The following ANKRD12 variants were observed in gnomAD, a reference collection of about 807,000 sequenced individuals.
The protein encoded by ANKRD12 is ankyrin repeat domain-containing protein 12.
ANKRD12 carries 85 observed loss-of-function variants against 183.4 expected under a neutral mutation model. The observed-to-expected ratio is 0.46, with a 90% CI of 0.39 to 0.56. The LOEUF (loss-of-function observed/expected upper bound fraction) is 0.56, where lower values mean the gene tolerates loss of function less well. Ranked by LOEUF, ANKRD12 falls within the 20% of genes least tolerant of loss-of-function variation. The pLI is 0.00. For synonymous variants in ANKRD12, 914 were observed against 800.2 expected (o/e 1.14, Z -2.40); for missense variants, 2,405 against 2,357.1 (o/e 1.02, Z -0.42).
chr18:9,280,071 T>C (rs1229391891), intron 12 of ANKRD12, among the ~76,000 whole-genome samples: 1 of 152,334 alleles, frequency 6.6e-6, no homozygotes, highest in East Asian at 1.9e-4. Context: ...GAAATAATAT[T>C]TTCAAATTAA....
intron 1 of ANKRD12, among the ~76,000 whole-genome samples, chr18:9,167,664 C>G (rs1279168562): frequency 1.3e-5 from 2 of 152,166 alleles, no homozygotes; most frequent in African/African-American, 4.8e-5. Context: ...CATCTGCAAA[C>G]AGGGACAATT....
Position 9,281,225 on chromosome 18 carries a change from T to C in ANKRD12, c.*99T>C. 2 of 995,046 alleles carry C rather than the reference T, an allele frequency of 2.0e-6. No homozygotes were observed. Among genetic ancestry groups the C allele is most frequent in the Middle Eastern group, 2.4e-4 (1 of 4,084 alleles). 61.6% of individuals were successfully genotyped at this position (995,046 alleles called of 1,614,324 possible). On this transcript the variant is annotated 3_prime_UTR_variant, in exon 13 of 13. Transcript: ENST00000262126. Reference sequence around the variant, plus strand: ...GACAAAAATACTCATGCCTTTACAATTGTTAGTAAAGTTCGATTATAGTTG... The same window carrying C: ...GACAAAAATACTCATGCCTTTACAACTGTTAGTAAAGTTCGATTATAGTTG...
intron 1 of ANKRD12, among the ~76,000 whole-genome samples, chr18:9,181,793 A>G (rs1358546115): frequency 6.6e-6 from 1 of 152,220 alleles, no homozygotes; most frequent in African/African-American, 2.4e-5. Context: ...TTATGCTTGT[A>G]GAATAGGAAA....
At chr18:9,153,198 T>A (rs1382631282) in intron 1 of ANKRD12, among the ~76,000 whole-genome samples, 1 of 152,250 alleles carries the variant, frequency 6.6e-6, no homozygotes, top group Non-Finnish European at 1.5e-5. Context: ...GGTATTTACA[T>A]GTCCTTCTAA....
At chr18:9,236,876 A>G (rs907697575) in intron 8 of ANKRD12, among the ~76,000 whole-genome samples, 1 of 152,180 alleles carries the variant, frequency 6.6e-6, no homozygotes, top group African/African-American at 2.4e-5. Flanking sequence ...TTATGGGCAA[A>G]GAAATACTGT....
intron 2 of ANKRD12, among the ~76,000 whole-genome samples, chr18:9,185,727 T>G (rs2034004153): frequency 1.3e-5 from 2 of 149,522 alleles, no homozygotes; most frequent in African/African-American, 2.5e-5. Context: ...TTAGGAGGAG[T>G]AAAGAGACAA....
chr18:9,268,174 G>A (rs8086479), intron 10 of ANKRD12, among the ~76,000 whole-genome samples: 33,533 of 151,372 alleles, frequency 0.22, 4,295 homozygotes, highest in African/African-American at 0.35. Flanking sequence ...TTCACAGCCA[G>A]ATTCTACCAG....
chr18:9,144,404 A>G (rs1304225762), intron 1 of ANKRD12, among the ~76,000 whole-genome samples: 1 of 152,166 alleles, frequency 6.6e-6, no homozygotes, highest in Non-Finnish European at 1.5e-5. Flanking sequence ...AAGTACTACT[A>G]CCTTATTGGG....
intron 9 of ANKRD12, among the ~76,000 whole-genome samples, chr18:9,259,191 A>G (rs1018448523): frequency 6.6e-6 from 1 of 152,228 alleles, no homozygotes; most frequent in Middle Eastern, 3.2e-3. Flanking sequence ...TAAAGAACAA[A>G]TTTAAATTAG....
At chr18:9,157,550 G>GGTGTGTGT (rs71168037) in intron 1 of ANKRD12, among the ~76,000 whole-genome samples, 90 of 114,582 alleles carry the variant, frequency 7.9e-4, no homozygotes, top group African/African-American at 3.3e-3. Context: ...GGTGTGTGTG[G>GGTGTGTGT]GTGTGTGTGT....
At chr18:9,233,099 A>G (rs960357596) in intron 8 of ANKRD12, among the ~76,000 whole-genome samples, 5 of 151,992 alleles carry the variant, frequency 3.3e-5, no homozygotes, top group Admixed American at 2.6e-4. Flanking sequence ...TGATCCACCC[A>G]CCTCGGCCTC....
At chr18:9,226,726 T>G (rs181752892) in intron 8 of ANKRD12, among the ~76,000 whole-genome samples, 2 of 152,232 alleles carry the variant, frequency 1.3e-5, no homozygotes, top group East Asian at 3.9e-4. Context: ...GAAGGAGATA[T>G]GGCCATATCT....
chr18:9,279,738 G>A (rs922455650), intron 12 of ANKRD12, 94 bp downstream of exon 12: 10 of 702,660 alleles, frequency 1.4e-5, no homozygotes, highest in Non-Finnish European at 2.1e-5. Flanking sequence ...ATAATTAGGA[G>A]GGGAAATACT....
At chr18:9,244,548 G>A (rs1443597) in intron 8 of ANKRD12, among the ~76,000 whole-genome samples, 9,654 of 152,108 alleles carry the variant, frequency 0.063, 334 homozygotes, top group Non-Finnish European at 0.079. Context: ...ACATACTTTA[G>A]AACAAAATTT....
At chr18:9,277,985 T>C (rs2039933181) in intron 11 of ANKRD12, among the ~76,000 whole-genome samples, 1 of 152,206 alleles carries the variant, frequency 6.6e-6, no homozygotes, top group Non-Finnish European at 1.5e-5. Flanking sequence ...TGAGATCCTT[T>C]TGTGGATCAT....
At position 9,227,997 on chromosome 18, in the gene ANKRD12, C is replaced by T. The variant is rs78138176; in HGVS notation, c.943+5998C>T. On this transcript the variant is annotated intron_variant, in intron 8 of 12. Transcript: ENST00000262126. Reference sequence around the variant, plus strand: ...TCTCTGGTATCTGTCATTCTAGTCTCTATGTCCATGAGATTTAAGTTTCTT... The same window carrying T: ...TCTCTGGTATCTGTCATTCTAGTCTTTATGTCCATGAGATTTAAGTTTCTT... Among the ~76,000 whole-genome samples, 32 of 152,278 alleles carry T rather than the reference C, an allele frequency of 2.1e-4. 1 individual carries two copies. In the East Asian group the frequency reaches 5.8e-3, roughly 28 times the overall value.
intron 10 of ANKRD12, among the ~76,000 whole-genome samples, chr18:9,268,583 A>G (rs1039591749): frequency 5.9e-5 from 9 of 152,342 alleles, no homozygotes; most frequent in Admixed American, 3.3e-4. Context: ...CCTTCATGCT[A>G]AAAACTCTCA....
At chr18:9,265,344 C>T (rs1027203101) in intron 10 of ANKRD12, among the ~76,000 whole-genome samples, 2 of 152,196 alleles carry the variant, frequency 1.3e-5, no homozygotes, top group African/African-American at 4.8e-5. Flanking sequence ...GGGTCCCTGA[C>T]CCCCGAGTAG....
intron 4 of ANKRD12, among the ~76,000 whole-genome samples, chr18:9,208,325 A>C (rs1275121728): frequency 6.6e-6 from 1 of 152,206 alleles, no homozygotes; most frequent in East Asian, 1.9e-4. Context: ...GGTTTCAAAG[A>C]TGTAATACTA....
Sources: gnomAD v4.1 joint callset for allele counts (sites outside exome capture counted in the v4.1 genomes callset) on GRCh38, gnomAD v4.1.1 for gene constraint, MANE v1.5 for transcripts, NCBI Gene and HGNC (gene_info 2026-07-23, HGNC 2026-07-21) for gene names.